Variants in CCDC91 observed in about 807,000 individuals in gnomAD.
The protein encoded by CCDC91 is coiled-coil domain containing 91, also known as coiled-coil domain-containing protein 91.
In CCDC91, 48 loss-of-function variants were observed where a neutral mutation model predicts 63.2. The observed-to-expected ratio is 0.76, with a 90% CI of 0.60 to 0.97. CCDC91 has a LOEUF of 0.97. Ranked by LOEUF, CCDC91 falls within the 50% of genes least tolerant of loss-of-function variation. CCDC91 has a pLI of 0.00. For synonymous variants in CCDC91, 167 were observed against 165.8 expected (o/e 1.01, Z -0.06); for missense variants, 500 against 494.6 (o/e 1.01, Z -0.10).
At chr12:28,417,620 G>GATATATATATATATATAT (rs34996637) in intron 8 of CCDC91, among the ~76,000 whole-genome samples, 2 of 139,760 alleles carry the variant, frequency 1.4e-5, no homozygotes, top group African/African-American at 5.1e-5. Context: ...GAACCTTTGA[G>GATATATATATATATATAT]ATATATATAT....
chr12:28,333,443 A>G lies in CCDC91; in HGVS notation c.576+25694A>G, dbSNP rs374038647. Among the ~76,000 whole-genome samples, 300 of 151,564 alleles carry G rather than the reference A, an allele frequency of 2.0e-3. 3 individuals are homozygous for G. The highest frequency in any genetic ancestry group is 6.8e-3 in the African/African-American group (282 of 41,376). On this transcript the variant is annotated intron_variant, in intron 6 of 12. Coordinates refer to ENST00000536442, the MANE Select transcript of CCDC91 (RefSeq NM_018318.5). ...AAATAAACAATAAATTTTTTTTCCC[A>G]CTTTGTGCATGTCCACAAATGACCA...
chr12:28,225,792 TA>T (rs1944236586), intron 1 of CCDC91: 1 of 152,264 alleles, frequency 6.6e-6, no homozygotes, highest in African/African-American at 2.4e-5. Context: ...TTGTTTTGTT[TA>T]GGCTTCTAAC....
chr12:28,350,534 A>G (rs1370472094), intron 6 of CCDC91, among the ~76,000 whole-genome samples: 1 of 152,214 alleles, frequency 6.6e-6, no homozygotes, highest in East Asian at 1.9e-4. Flanking sequence ...TGGTGTGTGA[A>G]GGAAGAAGCT....
chr12:28,363,113 A>G (rs1474921383), intron 7 of CCDC91, among the ~76,000 whole-genome samples: 2 of 152,156 alleles, frequency 1.3e-5, no homozygotes, highest in African/African-American at 2.4e-5. Context: ...ACAAGTAATT[A>G]AGGATGAATA....
chr12:28,234,629 A>AC (rs1944817346), intron 1 of CCDC91, among the ~76,000 whole-genome samples: 1 of 152,104 alleles, frequency 6.6e-6, no homozygotes, highest in Non-Finnish European at 1.5e-5. Flanking sequence ...ATTAACCACT[A>AC]CCCCTTCCTT....
intron 12 of CCDC91, among the ~76,000 whole-genome samples, chr12:28,526,735 A>T (rs1032108914): frequency 6.6e-6 from 1 of 151,952 alleles, no homozygotes; most frequent in Admixed American, 6.6e-5. Context: ...CCTCAGGAAC[A>T]CCGATTATTC....
At chr12:28,267,899 TAA>T (rs1491325952) in intron 3 of CCDC91, among the ~76,000 whole-genome samples, 1 of 79,550 alleles carries the variant, frequency 1.3e-5, no homozygotes, top group African/African-American at 4.7e-5. Flanking sequence ...TAATTATATA[TAA>T]TTATATTATA....
intron 6 of CCDC91, among the ~76,000 whole-genome samples, chr12:28,361,745 C>A (rs1943902238): frequency 6.6e-6 from 1 of 151,412 alleles, no homozygotes; most frequent in Admixed American, 6.6e-5. Flanking sequence ...TCTCCATTTC[C>A]CTTCTGTTTT....
At chr12:28,266,314 A>G (rs1452999270) in intron 3 of CCDC91, among the ~76,000 whole-genome samples, 1 of 152,052 alleles carries the variant, frequency 6.6e-6, no homozygotes, top group South Asian at 2.1e-4. Flanking sequence ...GCCTTCAGCT[A>G]ACTATGTAAC....
intron 7 of CCDC91, among the ~76,000 whole-genome samples, chr12:28,364,383 G>A (rs1395556196): frequency 6.6e-5 from 10 of 151,706 alleles, no homozygotes; most frequent in Admixed American, 2.6e-4. Flanking sequence ...GCGAGACTCC[G>A]TCTCAAAAAA....
At chr12:28,258,077 G>T (rs1379513972) in intron 2 of CCDC91, among the ~76,000 whole-genome samples, 1 of 151,892 alleles carries the variant, frequency 6.6e-6, no homozygotes, top group Non-Finnish European at 1.5e-5. Context: ...TGAAAGAATG[G>T]TGTGAGGTTT....
chr12:28,449,699 T>C (rs889827693), intron 8 of CCDC91, among the ~76,000 whole-genome samples: 5 of 152,024 alleles, frequency 3.3e-5, no homozygotes, highest in African/African-American at 1.2e-4. Context: ...AATTAATAAA[T>C]CTTTCAATTT....
intron 7 of CCDC91, among the ~76,000 whole-genome samples, chr12:28,377,492 G>C (rs1310168000): frequency 6.6e-6 from 1 of 151,800 alleles, no homozygotes; most frequent in Non-Finnish European, 1.5e-5. Flanking sequence ...AATTATAACT[G>C]TACTGATTTA....
At chr12:28,295,634 C>T (rs1335591610) in intron 3 of CCDC91, among the ~76,000 whole-genome samples, 3 of 151,992 alleles carry the variant, frequency 2.0e-5, no homozygotes, top group Non-Finnish European at 2.9e-5. Flanking sequence ...GAATATAGTG[C>T]TACTCTACGA....
chr12:28,521,503 T>A (rs1348267183), intron 12 of CCDC91, among the ~76,000 whole-genome samples: 1 of 152,174 alleles, frequency 6.6e-6, no homozygotes, highest in Non-Finnish European at 1.5e-5. Context: ...AGATATACAA[T>A]CATGTCATCA....
intron 8 of CCDC91, among the ~76,000 whole-genome samples, chr12:28,418,726 G>A (rs1459664195): frequency 2.0e-5 from 3 of 151,898 alleles, no homozygotes; most frequent in South Asian, 2.1e-4. Context: ...AGAAAGGATC[G>A]GGCCAAAAAG....
intron 6 of CCDC91, among the ~76,000 whole-genome samples, chr12:28,360,362 G>A (rs1045093070): frequency 3.9e-5 from 6 of 152,176 alleles, no homozygotes; most frequent in African/African-American, 9.7e-5. Context: ...TATAGTTGCA[G>A]CTTAATTTTC....
intron 11 of CCDC91, among the ~76,000 whole-genome samples, chr12:28,470,914 A>C (rs925747658): frequency 2.0e-4 from 30 of 152,138 alleles, no homozygotes; most frequent in Non-Finnish European, 3.8e-4. Context: ...TAGATAGTGG[A>C]AGGATGGTTA....
intron 12 of CCDC91, among the ~76,000 whole-genome samples, chr12:28,484,849 A>G (rs1464793477): frequency 2.0e-5 from 3 of 150,302 alleles, no homozygotes; most frequent in African/African-American, 7.3e-5. Context: ...ATAAATATAT[A>G]TAATAAAATA....
Sources: gnomAD v4.1 joint callset for allele counts (sites outside exome capture counted in the v4.1 genomes callset) on GRCh38, gnomAD v4.1.1 for gene constraint, MANE v1.5 for transcripts, NCBI Gene and HGNC (gene_info 2026-07-23, HGNC 2026-07-21) for gene names.